The following SCAPER variants were observed in gnomAD, a reference collection of about 807,000 sequenced individuals.
The protein encoded by SCAPER is S-phase cyclin A associated protein in the ER.
A neutral mutation model predicts 182.2 loss-of-function variants in SCAPER; 98 were observed. That is an observed-to-expected ratio of 0.54 (90% CI 0.46 to 0.64). SCAPER has a LOEUF of 0.64. Among genes scored for constraint, SCAPER ranks in the 30% least tolerant of loss-of-function variants. SCAPER has a pLI of 0.00. For synonymous variants in SCAPER, 605 were observed against 564.6 expected (o/e 1.07, Z -1.01); for missense variants, 1,432 against 1,690.0 (o/e 0.85, Z 2.68).
At chr15:76,517,101 A>G (rs1389354534) in intron 23 of SCAPER, among the ~76,000 whole-genome samples, 2 of 152,064 alleles carry the variant, frequency 1.3e-5, no homozygotes, top group African/African-American at 2.4e-5. Flanking sequence ...GTTTACACCA[A>G]GAGTGCTGTG....
chr15:76,406,338 C>T (rs139297814), intron 26 of SCAPER, among the ~76,000 whole-genome samples: 1 of 152,078 alleles, frequency 6.6e-6, no homozygotes, highest in African/African-American at 2.4e-5. Context: ...ATTAGCCAGG[C>T]ATGGTGGCTG....
intron 26 of SCAPER, among the ~76,000 whole-genome samples, chr15:76,430,919 G>C (rs2142494737): frequency 6.6e-6 from 1 of 152,252 alleles, no homozygotes; most frequent in African/African-American, 2.4e-5. Flanking sequence ...GCTTTGGGAG[G>C]GACCCGGTGG....
At chr15:76,460,318 A>G (rs1023085345) in intron 25 of SCAPER, among the ~76,000 whole-genome samples, 3 of 152,044 alleles carry the variant, frequency 2.0e-5, no homozygotes, top group African/African-American at 7.2e-5. Context: ...TTATTTTTAT[A>G]GCTATTATAG....
intron 23 of SCAPER, among the ~76,000 whole-genome samples, chr15:76,527,961 T>A (rs558941671): frequency 3.9e-4 from 60 of 152,334 alleles, no homozygotes; most frequent in African/African-American, 1.3e-3. Context: ...ACATAACACT[T>A]CACTCTGATT....
intron 26 of SCAPER, among the ~76,000 whole-genome samples, chr15:76,413,182 AAT>A (rs2045414780): frequency 1.3e-5 from 2 of 152,132 alleles, no homozygotes; most frequent in South Asian, 4.1e-4. Context: ...TGCAAATAAT[AAT>A]AGTTTTATTT....
chr15:76,475,155 C>G (rs905605699), intron 24 of SCAPER, among the ~76,000 whole-genome samples: 1 of 152,124 alleles, frequency 6.6e-6, no homozygotes, highest in African/African-American at 2.4e-5. Context: ...AAGAGAACCA[C>G]AAAGAAATAC....
chr15:76,660,282 G>T lies in SCAPER; in HGVS notation c.2645+5371C>A, dbSNP rs542634955. Among the ~76,000 whole-genome samples the T allele has an allele frequency of 3.3e-5, 5 of 152,148 alleles. No individual in the cohort carries two copies. The East Asian group carries it at 9.7e-4, about 29-fold the overall frequency. ...GTTGAAGATAAAAAAACAACCTATT[G>T]GTTACTATGCTTATTACCTGGATGA... On this transcript the variant is annotated intron_variant, in intron 21 of 31. Coordinates refer to ENST00000563290, the MANE Select transcript of SCAPER (RefSeq NM_020843.4).
At chr15:76,744,779 T>C (rs1027663058) in intron 15 of SCAPER, among the ~76,000 whole-genome samples, 2 of 152,156 alleles carry the variant, frequency 1.3e-5, no homozygotes, top group Non-Finnish European at 2.9e-5. Context: ...ATTCCATTAC[T>C]GGGGATATAC....
intron 29 of SCAPER, among the ~76,000 whole-genome samples, chr15:76,356,322 C>T (rs916628803): frequency 2.0e-5 from 3 of 152,140 alleles, no homozygotes; most frequent in Non-Finnish European, 4.4e-5. Context: ...TGCAAACAGC[C>T]TGACCTTAAT....
In SCAPER at chr15:76,692,041, CT is replaced by C. The variant is rs1268848266; in HGVS notation, c.2508+9716del. On this transcript the variant is annotated intron_variant, in intron 20 of 31. Coordinates refer to ENST00000563290, the MANE Select transcript of SCAPER (RefSeq NM_020843.4). The stretch of plus-strand genomic sequence containing the variant: ...GCATTTCTTATACTAAAAAGAGTCA[CT>C]TTCCATAGTAAAAGGCTGGAAATTG... Among the ~76,000 whole-genome samples, 3 of 152,158 alleles carry C rather than the reference CT, an allele frequency of 2.0e-5. No individual in the cohort carries two copies. The East Asian group carries it at 5.8e-4, about 29-fold the overall frequency.
chr15:76,680,987 C>A (rs1320002161), intron 20 of SCAPER, among the ~76,000 whole-genome samples: 2 of 152,120 alleles, frequency 1.3e-5, no homozygotes, highest in African/African-American at 4.8e-5. Flanking sequence ...TTTCAATATC[C>A]TCTCTCAAAA....
intron 25 of SCAPER, among the ~76,000 whole-genome samples, chr15:76,469,571 AG>A: frequency 6.6e-6 from 1 of 152,134 alleles, no homozygotes; most frequent in East Asian, 1.9e-4. Flanking sequence ...ATTCTGTGAC[AG>A]TTCCTCACTT....
chr15:76,719,601 T>C (rs1162403764), intron 17 of SCAPER, among the ~76,000 whole-genome samples: 4 of 152,198 alleles, frequency 2.6e-5, no homozygotes, highest in Non-Finnish European at 5.9e-5. Context: ...GATATGTTAG[T>C]TCGCTTCACT....
At chr15:76,613,737 C>G (rs571710475) in intron 22 of SCAPER, among the ~76,000 whole-genome samples, 1 of 151,972 alleles carries the variant, frequency 6.6e-6, no homozygotes, top group East Asian at 1.9e-4. Flanking sequence ...AAAATGGCTA[C>G]GATTTAAAAG....
Position 76,443,032 on chromosome 15 carries a change from T to TA in SCAPER, c.3079-8723dup, listed in dbSNP as rs567041248. Among the ~76,000 whole-genome samples, 24 of 152,094 alleles carry TA rather than the reference T, an allele frequency of 1.6e-4. No homozygotes were observed. In the East Asian group the frequency reaches 4.4e-3, roughly 28 times the overall value. Reference sequence around the variant, plus strand: ...GACAGATAAACAGCGAAAGTTGGGGTAAAAAACACCACCACTGAGGGAATC... The same window carrying TA: ...GACAGATAAACAGCGAAAGTTGGGGTAAAAAAACACCACCACTGAGGGAATC... On this transcript the variant is annotated intron_variant, in intron 25 of 31. Transcript: ENST00000563290.
At chr15:76,651,641 A>G (rs2055051129) in intron 21 of SCAPER, among the ~76,000 whole-genome samples, 1 of 151,702 alleles carries the variant, frequency 6.6e-6, no homozygotes, top group Admixed American at 6.6e-5. Context: ...AAAAAAAAAA[A>G]AAAAACCCTT....
intron 22 of SCAPER, among the ~76,000 whole-genome samples, chr15:76,615,033 C>A (rs981215862): frequency 5.3e-5 from 8 of 152,118 alleles, no homozygotes; most frequent in African/African-American, 1.9e-4. Context: ...CAGACCACTT[C>A]CTAGAAACCC....
rs998143231 is a variant in SCAPER at position 76,821,831 on chromosome 15, C to T, written c.394-17198G>A. Reference sequence around the variant, plus strand: ...GGCTGAGGTGGGAGAATTTCTTGAACCCAGGAATTTGAAGCCAGCTTGGGC... The same window carrying T: ...GGCTGAGGTGGGAGAATTTCTTGAATCCAGGAATTTGAAGCCAGCTTGGGC... On this transcript the variant is annotated intron_variant, in intron 5 of 31. Transcript: ENST00000563290. Among the ~76,000 whole-genome samples, 4 of 151,836 alleles carry T rather than the reference C, an allele frequency of 2.6e-5. No individual in the cohort carries two copies. In the East Asian group the frequency reaches 5.8e-4, roughly 22 times the overall value.
At chr15:76,765,259 T>C (rs1402839530) in intron 13 of SCAPER, 78 bp downstream of exon 13, 26 of 1,200,908 alleles carry the variant, frequency 2.2e-5, no homozygotes, top group South Asian at 1.2e-4. Flanking sequence ...AAATGCCACG[T>C]AGCAATTTTA....
Sources: allele counts gnomAD v4.1 joint callset (sites outside exome capture counted in the v4.1 genomes callset), GRCh38; gene constraint gnomAD v4.1.1; transcripts MANE v1.5; gene names NCBI Gene and HGNC (gene_info 2026-07-23, HGNC 2026-07-21).